AGBL1: variants seen among roughly 807,000 people sequenced by gnomAD.
AGBL1 encodes the protein AGBL carboxypeptidase 1.
Under a neutral mutation model 118.9 loss-of-function variants are expected in AGBL1, and 130 were observed. That is an observed-to-expected ratio of 1.09 (90% confidence interval 0.95 to 1.26). AGBL1 has a LOEUF of 1.26. Among genes scored for constraint, AGBL1 ranks in the 50% most tolerant of loss-of-function variants. The pLI is 0.00. For synonymous variants in AGBL1, 555 were observed against 478.9 expected (o/e 1.16, Z -2.08); for missense variants, 1,584 against 1,298.1 (o/e 1.22, Z -3.38).
At position 86,454,482 on chromosome 15, in the gene AGBL1, A is replaced by G. The variant is rs114717222; in HGVS notation, c.2555+56936A>G. On this transcript the variant is annotated intron_variant, in intron 18 of 22. Coordinates refer to ENST00000614907, the MANE Select transcript of AGBL1 (RefSeq NM_001386094.1). ...GCAGTTGTACTCATAATCACCCCAA[A>G]CTGAGAAGTCACCAAATATTTATCA... is the stretch of plus-strand genomic sequence containing the variant. 5.1e-3 allele frequency among the ~76,000 whole-genome samples: 778 copies of G among 152,296 alleles called. 4 individuals carry two copies. Among genetic ancestry groups the G allele is most frequent in the African/African-American group, 0.018 (752 of 41,562 alleles).
intron 18 of AGBL1, among the ~76,000 whole-genome samples, chr15:86,479,708 C>G (rs1033182495): frequency 5.9e-5 from 9 of 152,136 alleles, no homozygotes; most frequent in Non-Finnish European, 8.8e-5. Context: ...CTAGAAATAC[C>G]ATTTGACCCA....
chr15:86,906,961 C>A (rs191780226), intron 22 of AGBL1, 126 bp from the exon 23 acceptor site: 1 of 152,398 alleles, frequency 6.6e-6, no homozygotes, highest in East Asian at 1.9e-4. Flanking sequence ...TGGCTAATTT[C>A]TCTTTTTCAT....
intron 22 of AGBL1, among the ~76,000 whole-genome samples, chr15:86,875,595 C>T (rs1166781676): frequency 6.6e-6 from 1 of 152,148 alleles, no homozygotes; most frequent in Non-Finnish European, 1.5e-5. Flanking sequence ...AATGTTAGCA[C>T]AGCACTGACA....
chr15:86,574,440 G>A (rs928364812), intron 21 of AGBL1, among the ~76,000 whole-genome samples: 16 of 152,154 alleles, frequency 1.1e-4, no homozygotes, highest in South Asian at 4.1e-4. Context: ...CCCAAGGGGT[G>A]CAACAAGGGC....
intron 6 of AGBL1, 44 bp downstream of exon 6, chr15:86,224,995 G>A: frequency 6.3e-7 from 1 of 1,585,576 alleles, no homozygotes; most frequent in Non-Finnish European, 8.6e-7. Context: ...TCCACTCTGG[G>A]TTTAATGAAA....
chr15:86,972,107 C>G (rs772926749), intron 23 of AGBL1, among the ~76,000 whole-genome samples: 3 of 152,062 alleles, frequency 2.0e-5, no homozygotes, highest in South Asian at 4.1e-4. Context: ...AATACAAAAA[C>G]GAACTAATAC....
intron 21 of AGBL1, among the ~76,000 whole-genome samples, chr15:86,650,782 G>A (rs1044358516): frequency 6.6e-6 from 1 of 152,120 alleles, no homozygotes; most frequent in Non-Finnish European, 1.5e-5. Context: ...CTTCTTTCCC[G>A]AGCTCCCTCA....
chr15:86,473,564 A>T (rs530166595), intron 18 of AGBL1, among the ~76,000 whole-genome samples: 125 of 151,918 alleles, frequency 8.2e-4, no homozygotes, highest in Non-Finnish European at 1.4e-3. Context: ...TGTTTTTTTT[A>T]AAAAAGGTCA....
At chr15:86,399,142 C>T (rs2081408463) in intron 18 of AGBL1, among the ~76,000 whole-genome samples, 1 of 152,122 alleles carries the variant, frequency 6.6e-6, no homozygotes, top group African/African-American at 2.4e-5. Context: ...TCGATCAGAC[C>T]TTGGAAAGAA....
At chr15:86,454,121 C>G (rs1287169028) in intron 18 of AGBL1, among the ~76,000 whole-genome samples, 1 of 152,126 alleles carries the variant, frequency 6.6e-6, no homozygotes, top group Non-Finnish European at 1.5e-5. Context: ...GCTCTCTTCA[C>G]CATGTATGGA....
At chr15:86,109,590 A>G (rs555828038) in intron 1 of AGBL1, among the ~76,000 whole-genome samples, 1 of 152,352 alleles carries the variant, frequency 6.6e-6, no homozygotes, top group African/African-American at 2.4e-5. Flanking sequence ...AATTAAAGAA[A>G]AATTTCTTTC....
intron 22 of AGBL1, among the ~76,000 whole-genome samples, chr15:86,718,896 C>G (rs1224527356): frequency 6.6e-6 from 1 of 152,144 alleles, no homozygotes; most frequent in Non-Finnish European, 1.5e-5. Context: ...CCTATCCACC[C>G]TTAAATCTAA....
intron 1 of AGBL1, among the ~76,000 whole-genome samples, chr15:86,111,027 T>TG (rs1567060900): frequency 1.3e-5 from 2 of 152,052 alleles, no homozygotes; most frequent in African/African-American, 4.8e-5. Flanking sequence ...GCATGAGGAG[T>TG]GAACTGAGCT....
intron 22 of AGBL1, among the ~76,000 whole-genome samples, chr15:86,831,075 T>C (rs866421523): frequency 6.6e-6 from 1 of 152,124 alleles, no homozygotes; most frequent in Non-Finnish European, 1.5e-5. Flanking sequence ...GCAGGAGACC[T>C]CTTCTATGTA....
intron 18 of AGBL1, among the ~76,000 whole-genome samples, chr15:86,423,297 T>C (rs1159619409): frequency 6.6e-6 from 1 of 152,064 alleles, no homozygotes; most frequent in African/African-American, 2.4e-5. Flanking sequence ...ACATAATCCA[T>C]CACAGAAACA....
At chr15:87,016,586 C>T (rs1427074980) in intron 24 of AGBL1, among the ~76,000 whole-genome samples, 1 of 152,212 alleles carries the variant, frequency 6.6e-6, no homozygotes, top group African/African-American at 2.4e-5. Context: ...TTGCAACACT[C>T]ATGGAGAGAA....
rs936050959 is a variant in AGBL1 at position 86,079,913 on chromosome 15, C to T, written c.-60C>T. ...CGGGCAGCGAGGTCAGCTTGGCAGCCGCTGCCTCTCCAGCCTGGATCTGGC... is the reference window on the plus strand; with the variant it reads ...CGGGCAGCGAGGTCAGCTTGGCAGCTGCTGCCTCTCCAGCCTGGATCTGGC... On this transcript the variant is annotated 5_prime_UTR_variant, in exon 1 of 23. Transcript: ENST00000614907. The T allele has an allele frequency of 3.7e-5, 45 of 1,204,680 alleles. No individual in the cohort carries two copies. Among genetic ancestry groups the T allele is most frequent in the Middle Eastern group, 3.2e-4 (1 of 3,160 alleles). The allele number at this position is 1,204,680 out of a possible 1,614,324, so 74.6% of individuals were successfully genotyped here. A position where few individuals can be genotyped will look rare whatever the true frequency, so the allele number is the denominator to read the frequency against.
At position 86,294,445 on chromosome 15, in the gene AGBL1, C is replaced by T. The variant is rs183929858; in HGVS notation, c.2221-810C>T. Among the ~76,000 whole-genome samples, 6 of 146,834 alleles carry T rather than the reference C, an allele frequency of 4.1e-5. No homozygotes were observed. In the East Asian group the frequency reaches 1.2e-3, roughly 29 times the overall value. ...AAAAAAAGGATTGTTCACCAGGTGT[C>T]CTAATTTCAATGGCTATTTCATTTT... On this transcript the variant is annotated intron_variant, in intron 16 of 22. Transcript: ENST00000614907.
At chr15:86,104,286 A>C (rs755722156) in intron 1 of AGBL1, among the ~76,000 whole-genome samples, 2 of 152,118 alleles carry the variant, frequency 1.3e-5, no homozygotes, top group African/African-American at 2.4e-5. Flanking sequence ...CTAGGGTCCC[A>C]GTGGAATGTT....
Sources: gnomAD v4.1 joint callset for allele counts (sites outside exome capture counted in the v4.1 genomes callset) on GRCh38, gnomAD v4.1.1 for gene constraint, MANE v1.5 for transcripts, NCBI Gene and HGNC (gene_info 2026-07-23, HGNC 2026-07-21) for gene names.